Variants in CACNA1E observed in about 807,000 individuals in gnomAD.
CACNA1E encodes the protein calcium voltage-gated channel subunit alpha1 E.
Under a neutral mutation model 259.2 loss-of-function variants are expected in CACNA1E, and 40 were observed. The observed-to-expected ratio is 0.15, with a 90% CI of 0.12 to 0.20. CACNA1E has a LOEUF of 0.20. CACNA1E is among the 10% of genes least tolerant of loss of function. The pLI, the probability that CACNA1E is intolerant of heterozygous loss-of-function variation, is 1.00. For synonymous variants in CACNA1E, 1,104 were observed against 1,138.5 expected, an observed-to-expected ratio of 0.97 and a Z score of 0.61; for missense variants, 1,874 against 3,040.1, an observed-to-expected ratio of 0.62 and a Z score of 9.02.
intron 25 of CACNA1E, among the ~76,000 whole-genome samples, chr1:181,743,816 A>G (rs912400340): frequency 2.6e-5 from 4 of 152,260 alleles, no homozygotes; most frequent in African/African-American, 9.6e-5. Flanking sequence ...GATTCTAAGT[A>G]GTCATCTCAC....
At chr1:181,677,391 C>G (rs1050963798) in intron 7 of CACNA1E, among the ~76,000 whole-genome samples, 2 of 152,104 alleles carry the variant, frequency 1.3e-5, no homozygotes, top group African/African-American at 4.8e-5. Flanking sequence ...AGTCTTTTCC[C>G]CCTTTAAACA....
At chr1:181,404,455 C>T (rs991296658) in intron 1 of CACNA1E, among the ~76,000 whole-genome samples, 1 of 152,110 alleles carries the variant, frequency 6.6e-6, no homozygotes. Flanking sequence ...ATTTTGTTCT[C>T]AATGAATTCT....
intron 6 of CACNA1E, among the ~76,000 whole-genome samples, chr1:181,590,408 A>ATAT (rs1055264112): frequency 5.6e-4 from 65 of 115,236 alleles, no homozygotes; most frequent in Non-Finnish European, 8.6e-4. Context: ...TTACAAAAAA[A>ATAT]AAAAAAAAAT....
intron 3 of CACNA1E, among the ~76,000 whole-genome samples, chr1:181,517,845 C>T (rs1017227878): frequency 6.6e-6 from 1 of 152,074 alleles, no homozygotes; most frequent in African/African-American, 2.4e-5. Flanking sequence ...AGCTAAAGAT[C>T]GAGGAAAGCA....
At position 181,617,029 on chromosome 1, in the gene CACNA1E, C is replaced by T. The variant is rs142703186; in HGVS notation, c.952-34309C>T. 1.1e-3 allele frequency among the ~76,000 whole-genome samples: 170 copies of T among 152,054 alleles called. 2 individuals carry two copies. The South Asian group carries it at 0.016, about 14-fold the overall frequency. On this transcript the variant is annotated intron_variant, in intron 6 of 47. Coordinates refer to ENST00000367573, the MANE Select transcript of CACNA1E (RefSeq NM_001205293.3). ...TCTGTAGTGATGTCCTTTTTTCATT[C>T]CTGATGGTGATAATCTCTGCTTTCT...
chr1:181,702,754 C>A (rs74768773), intron 7 of CACNA1E, among the ~76,000 whole-genome samples: 120 of 152,300 alleles, frequency 7.9e-4, no homozygotes, highest in African/African-American at 2.7e-3. Flanking sequence ...TTCCTCACAT[C>A]TCTCATGTCA....
At chr1:181,527,159 A>T (rs1265048707) in intron 3 of CACNA1E, among the ~76,000 whole-genome samples, 1 of 152,226 alleles carries the variant, frequency 6.6e-6, no homozygotes, top group Non-Finnish European at 1.5e-5. Context: ...TAAACAACAG[A>T]AATTTATTTC....
chr1:181,405,144 C>T (rs1159159116), intron 1 of CACNA1E, among the ~76,000 whole-genome samples: 1 of 152,200 alleles, frequency 6.6e-6, no homozygotes, highest in Admixed American at 6.5e-5. Context: ...TACTGCAGTA[C>T]CAACGTACTC....
Position 181,377,994 on chromosome 1 carries a change from AT to A in CACNA1E, c.-14-35136del, listed in dbSNP as rs559455444. Among the ~76,000 whole-genome samples the A allele has an allele frequency of 2.2e-3, 329 of 152,352 alleles. 2 individuals carry two copies. The highest frequency in any genetic ancestry group is 3.5e-3 in the Non-Finnish European group (238 of 68,032). Reference sequence around the variant, plus strand: ...AATGCACATAGTTTTGTCCTTCATCATTTAGTTAATCGGAAATTATTTTGGT... The same window carrying A: ...AATGCACATAGTTTTGTCCTTCATCATTAGTTAATCGGAAATTATTTTGGT... On this transcript the variant is annotated intron_variant, in intron 1 of 11. Transcript: ENST00000524607.
exon 2 of CACNA1E, chr1:181,413,435 G>C (rs1658020972): frequency 6.6e-6 from 1 of 152,468 alleles, no homozygotes; most frequent in Non-Finnish European, 1.5e-5. Context: ...CATGGCACTG[G>C]AGGCGGGCTC....
intron 21 of CACNA1E, 107 bp downstream of exon 21, chr1:181,733,857 A>C: frequency 1.3e-6 from 1 of 789,420 alleles, no homozygotes; most frequent in Non-Finnish European, 1.8e-6. Context: ...GGAGTAAATC[A>C]TCCTTCAAGA....
chr1:181,683,675 T>G (rs1037360106), intron 7 of CACNA1E, among the ~76,000 whole-genome samples: 3 of 152,216 alleles, frequency 2.0e-5, no homozygotes, highest in Non-Finnish European at 4.4e-5. Context: ...CTCTTATAAA[T>G]GAGAACATGC....
chr1:181,662,919 T>G (rs1373334770), intron 7 of CACNA1E, among the ~76,000 whole-genome samples: 1 of 152,228 alleles, frequency 6.6e-6, no homozygotes, highest in Non-Finnish European at 1.5e-5. Context: ...CCTGGGCCTT[T>G]CTATTCTCTG....
intron 1 of CACNA1E, among the ~76,000 whole-genome samples, chr1:181,490,445 G>C (rs376641806): frequency 3.0e-4 from 46 of 152,030 alleles, no homozygotes; most frequent in Non-Finnish European, 5.0e-4. Context: ...GAAGCAGGTG[G>C]GTGGGGCTTG....
chr1:181,358,815 T>C (rs1170071922), intron 1 of CACNA1E, among the ~76,000 whole-genome samples: 1 of 152,202 alleles, frequency 6.6e-6, no homozygotes, highest in Non-Finnish European at 1.5e-5. Context: ...CGTAACATTT[T>C]CCCCCATATG....
chr1:181,487,664 C>T (rs536559194), intron 1 of CACNA1E, among the ~76,000 whole-genome samples: 2 of 152,142 alleles, frequency 1.3e-5, no homozygotes, highest in Admixed American at 6.5e-5. Context: ...TTCTGAGTGC[C>T]CTCCCATGTT....
chr1:181,331,594 C>T (rs558728371), intron 1 of CACNA1E, among the ~76,000 whole-genome samples: 1 of 152,194 alleles, frequency 6.6e-6, no homozygotes, highest in Non-Finnish European at 1.5e-5. Flanking sequence ...CACTCAGACT[C>T]ACACGCCAGT....
chr1:181,428,203 C>T (rs145327031), intron 2 of CACNA1E, among the ~76,000 whole-genome samples: 477 of 152,332 alleles, frequency 3.1e-3, no homozygotes, highest in African/African-American at 0.011. Flanking sequence ...ATCTCAGCCT[C>T]AAATTGAAAT....
At chr1:181,537,647 A>T (rs1344078979) in intron 3 of CACNA1E, among the ~76,000 whole-genome samples, 1 of 152,314 alleles carries the variant, frequency 6.6e-6, no homozygotes, top group East Asian at 1.9e-4. Context: ...GTTACTTCAC[A>T]TTCAAAATGA....
Sources: allele counts gnomAD v4.1 joint callset (sites outside exome capture counted in the v4.1 genomes callset), GRCh38; gene constraint gnomAD v4.1.1; transcripts MANE v1.5; gene names NCBI Gene and HGNC (gene_info 2026-07-23, HGNC 2026-07-21).